Variants in GLO1 observed in about 807,000 individuals in gnomAD.
The protein encoded by GLO1 is glyoxalase I, also known as lactoylglutathione lyase.
GLO1 carries 28 observed loss-of-function variants against 26.0 expected under a neutral mutation model. That is an observed-to-expected ratio of 1.08 (90% CI 0.80 to 1.48). GLO1 has a LOEUF of 1.48. Among genes scored for constraint, GLO1 ranks in the 40% most tolerant of loss-of-function variants. The pLI is 0.00. For missense variants in GLO1, 225 were observed against 224.8 expected (o/e 1.00, Z -0.01); for synonymous variants, 78 against 77.6 (o/e 1.00, Z -0.03).
chr6:38,687,963 T>C (rs779967190), intron 1 of GLO1, among the ~76,000 whole-genome samples: 36 of 152,084 alleles, frequency 2.4e-4, no homozygotes, highest in Non-Finnish European at 3.7e-4. Context: ...CCACTTACTT[T>C]GGAGCCACAT....
At chr6:38,678,406 A>AGGAAGGAAGG (rs376995963) in intron 5 of GLO1, among the ~76,000 whole-genome samples, 10,062 of 134,720 alleles carry the variant, frequency 0.075, 570 homozygotes, top group Middle Eastern at 0.18. Context: ...AAGGAAAAGA[A>AGGAAGGAAGG]AAGGAAAAGA....
chr6:38,682,098 T>G lies in GLO1; in HGVS notation c.380A>C (p.His127Pro). ...TACATCAGGAACAGCAATTCCAATA[T>G]GACCTTACGTGATACCCCCCGAAAA... is the stretch of plus-strand genomic sequence containing the variant. ...NGNSDPRGFGHIGIAVPDVYS... is the reference protein window; with the variant it reads ...NGNSDPRGFGPIGIAVPDVYS... The change falls in exon 5 of 6, where the codon CAT becomes CCT. Residue 127 changes from histidine (H) to proline (P), a missense_variant. His to Pro is a moderately conservative substitution (Grantham distance 77). Coordinates refer to ENST00000373365, the MANE Select transcript of GLO1 (RefSeq NM_006708.3). 1 of 1,530,670 alleles carries G rather than the reference T, an allele frequency of 6.5e-7. No individual in the cohort carries two copies. The highest frequency in any genetic ancestry group is 9.1e-7 in the Non-Finnish European group (1 of 1,103,952). The allele number at this position is 1,530,670 out of a possible 1,614,324, so 94.8% of individuals were successfully genotyped here. A position where few individuals can be genotyped will look rare whatever the true frequency, so the allele number is the denominator to read the frequency against.
intron 1 of GLO1, among the ~76,000 whole-genome samples, chr6:38,697,475 T>C (rs1315230676): frequency 1.3e-5 from 2 of 152,212 alleles, no homozygotes; most frequent in Non-Finnish European, 2.9e-5. Flanking sequence ...CCAGTATCTC[T>C]AGTAGCAACT....
rs1042643437 is a variant in GLO1, at chr6:38,700,325, T to C, written c.84+2646A>G. Among the ~76,000 whole-genome samples, 10 of 152,252 alleles carry C rather than the reference T, an allele frequency of 6.6e-5. No homozygotes were observed. In the East Asian group the frequency reaches 1.9e-3, roughly 29 times the overall value. ...GCATAGGCCCATCACCACCATCTTT[T>C]TGATGTGTGCCCTGATCCCCACAGC... On this transcript the variant is annotated intron_variant, in intron 1 of 5. Transcript: ENST00000373365.
At chr6:38,701,398 T>G (rs1319582991) in intron 1 of GLO1, among the ~76,000 whole-genome samples, 1 of 152,052 alleles carries the variant, frequency 6.6e-6, no homozygotes, top group Non-Finnish European at 1.5e-5. Context: ...ATCTCAAAAT[T>G]AATTACTCCG....
At chr6:38,686,462 G>A (rs1303782321) in intron 2 of GLO1, among the ~76,000 whole-genome samples, 1 of 152,174 alleles carries the variant, frequency 6.6e-6, no homozygotes, top group East Asian at 1.9e-4. Context: ...CAGTGGATAT[G>A]ACCTGTTGAG....
In GLO1 at chr6:38,691,180, G is replaced by T. The variant is rs142387581; in HGVS notation, c.85-4206C>A. Among the ~76,000 whole-genome samples the T allele has an allele frequency of 8.0e-3, 1,220 of 152,208 alleles. 17 individuals are homozygous for T. The highest frequency in any genetic ancestry group is 0.027 in the African/African-American group (1,118 of 41,514). The stretch of plus-strand genomic sequence containing the variant: ...CCTAAACTATCTTTGGTTTTACAGG[G>T]ATGGCTACTGGGTGACAAAGATTTG... On this transcript the variant is annotated intron_variant, in intron 1 of 5. Coordinates refer to ENST00000373365, the MANE Select transcript of GLO1 (RefSeq NM_006708.3).
At chr6:38,685,538 A>G (rs759150074) in intron 2 of GLO1, among the ~76,000 whole-genome samples, 4 of 152,234 alleles carry the variant, frequency 2.6e-5, no homozygotes, top group African/African-American at 7.2e-5. Context: ...AAGTTTCTAG[A>G]GTTCTGCTTC....
At chr6:38,699,623 G>T (rs2455773) in intron 1 of GLO1, among the ~76,000 whole-genome samples, 16,192 of 152,040 alleles carry the variant, frequency 0.11, 1,029 homozygotes, top group East Asian at 0.2. Context: ...ACGCATTCCT[G>T]GGGGGAGGTC....
In GLO1 at chr6:38,677,384, C is replaced by T; in HGVS notation, c.467-1G>A. 1 of 1,367,050 alleles carries T rather than the reference C, an allele frequency of 7.3e-7. No individual in the cohort carries two copies. The highest frequency in any genetic ancestry group is 1.8e-4 in the Middle Eastern group (1 of 5,576). The allele number at this position is 1,367,050 out of a possible 1,614,324, so 84.7% of individuals were successfully genotyped here. On this transcript the variant is annotated splice_acceptor_variant, in intron 5 of 5. Transcript: ENST00000373365. LOFTEE classifies it high-confidence loss of function. ...ATAAATGCCAGGCCTTTCATTTTACCTGTAAAATGAAAATTTTCATTATTG... is the reference window on the plus strand; with the variant it reads ...ATAAATGCCAGGCCTTTCATTTTACTTGTAAAATGAAAATTTTCATTATTG...
At chr6:38,698,657 CTT>C (rs34080103) in intron 1 of GLO1, among the ~76,000 whole-genome samples, 90 of 110,006 alleles carry the variant, frequency 8.2e-4, no homozygotes, top group Middle Eastern at 0.011. Context: ...AGAACCTGAC[CTT>C]TTTTTTTTTT....
Position 38,676,776 on chromosome 6 carries a change from T to C in GLO1, c.*519A>G, listed in dbSNP as rs1761248975. The C allele has an allele frequency of 6.6e-6, 1 of 152,258 alleles. No homozygotes were observed. Among genetic ancestry groups the C allele is most frequent in the Admixed American group, 6.5e-5 (1 of 15,274 alleles). 9.4% of individuals were successfully genotyped at this position (152,258 alleles called of 1,614,324 possible). On this transcript the variant is annotated 3_prime_UTR_variant, in exon 6 of 6. Transcript: ENST00000373365. ...TTTATAATAAGAAGAAATCACTTTT[T>C]CTATCAGTATCCTTGTCAGCATGAT... is the stretch of plus-strand genomic sequence containing the variant.
chr6:38,677,434 T>C (rs1012042455), intron 5 of GLO1, 51 bp from the exon 6 acceptor site: 2 of 845,892 alleles, frequency 2.4e-6, no homozygotes, highest in African/African-American at 3.4e-5. Context: ...GAAAACACCA[T>C]AAAAATGTTT....
intron 5 of GLO1, among the ~76,000 whole-genome samples, chr6:38,681,048 A>T (rs1354532815): frequency 1.3e-5 from 2 of 152,102 alleles, no homozygotes; most frequent in Admixed American, 1.3e-4. Context: ...CTTATTGGGG[A>T]GAAGATTTGG....
intron 1 of GLO1, 38 bp from the exon 2 acceptor site, chr6:38,687,012 T>C: frequency 6.5e-7 from 1 of 1,536,528 alleles, no homozygotes; most frequent in Non-Finnish European, 8.9e-7. Context: ...CTTTCACTTT[T>C]ACCATTTATT....
Position 38,675,958 on chromosome 6 carries a change from CATTTTATTTCAGTCT to C in GLO1, c.*1322_*1336del, listed in dbSNP as rs1391559486. 6.7e-6 allele frequency: 1 copy of C among 148,964 alleles called. No individual in the cohort carries two copies. The highest frequency in any genetic ancestry group is 2.5e-5 in the African/African-American group (1 of 40,678). The allele number at this position is 148,964 out of a possible 1,614,324, so 9.2% of individuals were successfully genotyped here. On this transcript the variant is annotated 3_prime_UTR_variant, in exon 6 of 6. Transcript: ENST00000373365. The stretch of plus-strand genomic sequence containing the variant: ...TTAAACATAGTCTTATTTGAAGTTT[CATTTTATTTCAGTCT>C]ATAAGTATTGCTATTTGTTTAAAGC...
intron 1 of GLO1, among the ~76,000 whole-genome samples, chr6:38,699,001 A>G (rs1380802436): frequency 3.3e-5 from 5 of 152,180 alleles, no homozygotes; most frequent in Non-Finnish European, 5.9e-5. Context: ...TAACTTCCTT[A>G]GATGTGACAC....
chr6:38,684,234 A>T, intron 3 of GLO1, 140 bp downstream of exon 3: 1 of 356,402 alleles, frequency 2.8e-6, no homozygotes, highest in Non-Finnish European at 4.8e-6. Flanking sequence ...CATGAAAAAC[A>T]CTTCAATATA....
chr6:38,700,806 G>A (rs1393017038), intron 1 of GLO1, among the ~76,000 whole-genome samples: 6 of 123,894 alleles, frequency 4.8e-5, no homozygotes, highest in African/African-American at 1.8e-4. Flanking sequence ...TTTGGACAAA[G>A]TCTCACTCTG....
Sources: allele counts gnomAD v4.1 joint callset (sites outside exome capture counted in the v4.1 genomes callset), GRCh38; gene constraint gnomAD v4.1.1; transcripts MANE v1.5; gene names NCBI Gene and HGNC (gene_info 2026-07-23, HGNC 2026-07-21).